LPP: variants seen among roughly 807,000 people sequenced by gnomAD.
LPP encodes the protein lipoma-preferred partner.
LPP carries 38 observed loss-of-function variants against 60.4 expected under a neutral mutation model. The ratio of observed to expected loss-of-function variants is 0.63; its 90% CI spans 0.49 to 0.83. LPP has a LOEUF of 0.83. LPP is among the 40% of genes least tolerant of loss of function. The probability of loss-of-function intolerance (pLI) is 0.00; values close to 1 mark genes in which losing one functional copy is unlikely to be tolerated. For missense variants in LPP, 902 were observed against 783.6 expected (o/e 1.15, Z -1.80); for synonymous variants, 328 against 290.8 (o/e 1.13, Z -1.30).
intron 4 of LPP, among the ~76,000 whole-genome samples, chr3:188,470,483 A>C (rs1405518285): frequency 6.6e-6 from 1 of 152,100 alleles, no homozygotes; most frequent in Non-Finnish European, 1.5e-5. Context: ...TCTCCATCTC[A>C]ACTCTGTGAG....
At chr3:188,620,748 A>G (rs1845657452) in intron 7 of LPP, among the ~76,000 whole-genome samples, 2 of 152,114 alleles carry the variant, frequency 1.3e-5, no homozygotes, top group African/African-American at 4.8e-5. Flanking sequence ...GGGCTACCCC[A>G]TTTTCCATTC....
At chr3:188,512,407 C>T (rs1196977126) in intron 5 of LPP, among the ~76,000 whole-genome samples, 1 of 151,970 alleles carries the variant, frequency 6.6e-6, no homozygotes, top group Non-Finnish European at 1.5e-5. Flanking sequence ...ACAAAATTAG[C>T]CAGGCGTGTT....
chr3:188,423,505 C>T (rs1330460097), intron 4 of LPP, among the ~76,000 whole-genome samples: 1 of 152,174 alleles, frequency 6.6e-6, no homozygotes, highest in Non-Finnish European at 1.5e-5. Context: ...GTTCTAGATC[C>T]TTGAGGAATC....
chr3:188,376,297 C>A (rs1775061718), intron 3 of LPP, among the ~76,000 whole-genome samples: 2 of 151,556 alleles, frequency 1.3e-5, no homozygotes, highest in South Asian at 4.2e-4. Flanking sequence ...CTAATGTTGA[C>A]AGTGGGGTGT....
intron 9 of LPP, among the ~76,000 whole-genome samples, chr3:188,762,509 T>C (rs150899884): frequency 1.9e-4 from 29 of 152,322 alleles, no homozygotes; most frequent in African/African-American, 6.7e-4. Flanking sequence ...TTTTACATGT[T>C]TGCTTGCTTT....
intron 2 of LPP, among the ~76,000 whole-genome samples, chr3:188,335,402 G>C (rs1321512202): frequency 2.6e-5 from 4 of 152,070 alleles, no homozygotes; most frequent in Non-Finnish European, 5.9e-5. Flanking sequence ...CATAGTAAAT[G>C]CTCCTTTAAA....
At chr3:188,590,918 C>T (rs532084048) in intron 6 of LPP, among the ~76,000 whole-genome samples, 1 of 152,324 alleles carries the variant, frequency 6.6e-6, no homozygotes, top group South Asian at 2.1e-4. Flanking sequence ...ATGGTCCTTT[C>T]TGACCCTAAA....
intron 3 of LPP, among the ~76,000 whole-genome samples, chr3:188,355,764 G>C (rs1228187419): frequency 2.6e-5 from 4 of 152,144 alleles, no homozygotes; most frequent in Non-Finnish European, 5.9e-5. Flanking sequence ...AGAAAAGTTT[G>C]ATGTGACAGT....
intron 2 of LPP, among the ~76,000 whole-genome samples, chr3:188,324,137 C>T (rs1392284519): frequency 6.6e-6 from 1 of 152,024 alleles, no homozygotes; most frequent in Non-Finnish European, 1.5e-5. Flanking sequence ...AACTGATTTG[C>T]ACTAGATAGA....
intron 8 of LPP, among the ~76,000 whole-genome samples, chr3:188,755,886 T>A (rs533612424): frequency 6.7e-5 from 9 of 135,266 alleles, no homozygotes; most frequent in South Asian, 4.9e-4. Flanking sequence ...AAAACCCATA[T>A]CACGCTATGC....
In LPP at chr3:188,184,909, G is replaced by A. The variant is rs889503098; in HGVS notation, c.-190+30657G>A. Among the ~76,000 whole-genome samples, 4 of 152,010 alleles carry A rather than the reference G, an allele frequency of 2.6e-5. No homozygotes were observed. The South Asian group carries it at 8.3e-4, about 32-fold the overall frequency. On this transcript the variant is annotated intron_variant, in intron 1 of 11. Coordinates refer to ENST00000617246, the MANE Select transcript of LPP (RefSeq NM_001375462.1). ...AGTGCAGTGTCAGCACCTAGGTTTC[G>A]AAAGGCTCCAGATGCTGAGATGGTG... is the stretch of plus-strand genomic sequence containing the variant.
At chr3:188,606,591 T>C (rs1842424145) in intron 6 of LPP, among the ~76,000 whole-genome samples, 1 of 152,128 alleles carries the variant, frequency 6.6e-6, no homozygotes, top group East Asian at 1.9e-4. Context: ...ACCTTTCTGC[T>C]TGAAGGTGGT....
chr3:188,189,159 C>A (rs988092116), intron 1 of LPP, among the ~76,000 whole-genome samples: 2 of 152,174 alleles, frequency 1.3e-5, no homozygotes. Flanking sequence ...GACTGAGGCT[C>A]ACTGAAGCCT....
chr3:188,346,155 T>G (rs1764286657), intron 3 of LPP, among the ~76,000 whole-genome samples: 1 of 126,020 alleles, frequency 7.9e-6, no homozygotes, highest in Admixed American at 7.3e-5. Context: ...TTCCAAACAG[T>G]ATGTTTGCAG....
chr3:188,872,873 C>G, intron 11 of LPP, 110 bp downstream of exon 11: 2 of 1,433,972 alleles, frequency 1.4e-6, no homozygotes, highest in East Asian at 4.9e-5. Flanking sequence ...GCCTTAGTGC[C>G]TGTACTCATA....
intron 7 of LPP, among the ~76,000 whole-genome samples, chr3:188,680,843 G>T (rs150253146): frequency 1.3e-5 from 2 of 152,074 alleles, no homozygotes; most frequent in African/African-American, 4.8e-5. Flanking sequence ...ATTATGAAAC[G>T]CAAGTTTTAT....
intron 5 of LPP, among the ~76,000 whole-genome samples, chr3:188,513,004 A>G (rs1386307363): frequency 2.0e-5 from 3 of 152,214 alleles, no homozygotes; most frequent in African/African-American, 7.2e-5. Context: ...CTCACCACAT[A>G]TGAAAGTTTT....
At chr3:188,672,215 T>A (rs149205477) in intron 7 of LPP, among the ~76,000 whole-genome samples, 1 of 152,204 alleles carries the variant, frequency 6.6e-6, no homozygotes, top group African/African-American at 2.4e-5. Context: ...TCTTTCTTGA[T>A]ACTAAGGCAG....
chr3:188,551,063 G>C (rs897766223), intron 6 of LPP, among the ~76,000 whole-genome samples: 6 of 152,052 alleles, frequency 3.9e-5, no homozygotes, highest in African/African-American at 1.2e-4. Flanking sequence ...ATCAAATTCT[G>C]GTCTTTTTAA....
Sources: gnomAD v4.1 joint callset for allele counts (sites outside exome capture counted in the v4.1 genomes callset) on GRCh38, gnomAD v4.1.1 for gene constraint, MANE v1.5 for transcripts, NCBI Gene and HGNC (gene_info 2026-07-23, HGNC 2026-07-21) for gene names.